Variants in EPHB6 observed in about 807,000 individuals in gnomAD.
EPHB6 encodes the protein ephrin type-B receptor 6.
EPHB6 carries 51 observed loss-of-function variants against 107.0 expected under a neutral mutation model. The ratio of observed to expected loss-of-function variants is 0.48; its 90% confidence interval spans 0.38 to 0.60. The LOEUF is 0.60. Ranked by LOEUF, EPHB6 falls within the 20% of genes least tolerant of loss-of-function variation. The probability of loss-of-function intolerance (pLI) is 0.00; values close to 1 mark genes in which losing one functional copy is unlikely to be tolerated. For synonymous variants in EPHB6, 553 were observed against 549.0 expected (o/e 1.01, Z -0.10); for missense variants, 1,141 against 1,355.5 (o/e 0.84, Z 2.48).
intron 1 of EPHB6, among the ~76,000 whole-genome samples, chr7:142,858,602 ATTTTTTTTTTT>A (rs58084930): frequency 1.5e-5 from 2 of 130,086 alleles, no homozygotes; most frequent in Non-Finnish European, 3.2e-5. Flanking sequence ...CGCCCAGCTA[ATTTTTTTTTTT>A]TTTTTTGTAT....
rs569990722 is a variant in EPHB6 at position 142,855,112 on chromosome 7, G to C, written c.-705G>C. Reference sequence around the variant, plus strand: ...GCTCCAGCCGCGGCTCTACAGCAGCGGGCGGCGGGACCCGGGACCCAGCTT... The same window carrying C: ...GCTCCAGCCGCGGCTCTACAGCAGCCGGCGGCGGGACCCGGGACCCAGCTT... On this transcript the variant is annotated 5_prime_UTR_variant, in exon 1 of 20. Transcript: ENST00000652003. The surrounding 1 kb of genome is among the most constrained non-coding windows in gnomAD (Gnocchi z 4.2). 1.4e-4 allele frequency: 21 copies of C among 152,244 alleles called. No homozygotes were observed. Among genetic ancestry groups the C allele is most frequent in the African/African-American group, 4.6e-4 (19 of 41,438 alleles). 9.4% of individuals were successfully genotyped at this position (152,244 alleles called of 1,614,324 possible).
Position 142,855,531 on chromosome 7 carries a change from C to T in EPHB6, c.-432+146C>T, listed in dbSNP as rs1275408263. 2 of 152,338 alleles carry T rather than the reference C, an allele frequency of 1.3e-5. No homozygotes were observed. The highest frequency in any genetic ancestry group is 2.9e-5 in the Non-Finnish European group (2 of 68,176). 9.4% of individuals were successfully genotyped at this position (152,338 alleles called of 1,614,324 possible). A position where few individuals can be genotyped will look rare whatever the true frequency, so the allele number is the denominator to read the frequency against. On this transcript the variant is annotated intron_variant, in intron 1 of 19. Transcript: ENST00000652003. This position sits in a 1 kb window ranked among gnomAD's most constrained non-coding sequence, Gnocchi z 4.2. The stretch of plus-strand genomic sequence containing the variant: ...AGTACTGAGGATCCTTCCTCAAGGC[C>T]AGAGTGGGGTTCATGAAGGGTGAGG...
rs1009922688 is a variant in EPHB6, at chr7:142,869,945, C to T, written c.2589C>T (p.Tyr863=). 6.2e-7 allele frequency: 1 copy of T among 1,614,162 alleles called. No homozygotes were observed. Among genetic ancestry groups the T allele is most frequent in the East Asian group, 2.2e-5 (1 of 44,880 alleles). Residue 863 remains tyrosine (Y), a synonymous_variant, in exon 17 of 20, where the codon TAC becomes TAT. Coordinates refer to ENST00000652003, the MANE Select transcript of EPHB6 (RefSeq NM_004445.6). The surrounding 1 kb of genome is among the most constrained non-coding windows in gnomAD (Gnocchi z 4.5). ...TGATGAGTTATGGAGAACGGCCTTA[C>T]TGGGACATGAGTGAGCAGGAGGTGA... ...WEVMSYGERP[Y]WDMSEQEVLN...
chr7:142,865,648 C>T lies in EPHB6; in HGVS notation c.1105+18C>T. On this transcript the variant is annotated intron_variant, in intron 8 of 19. Coordinates refer to ENST00000652003, the MANE Select transcript of EPHB6 (RefSeq NM_004445.6). The stretch of plus-strand genomic sequence containing the variant: ...CTGCACTGGTGAGTTCCTCACCCAG[C>T]CCTGCAATGGGAAAGAGACTTGGAG... The T allele has an allele frequency of 6.2e-7, 1 of 1,612,022 alleles. No homozygotes were observed.
At chr7:142,863,584 G>T in intron 5 of EPHB6, 47 bp from the exon 6 acceptor site, 1 of 1,600,834 alleles carries the variant, frequency 6.2e-7, no homozygotes, top group Non-Finnish European at 8.6e-7. Context: ...GGCTGGCAGT[G>T]CTGGCTGGAG....
chr7:142,865,451 C>A, intron 7 of EPHB6, 24 bp from the exon 8 acceptor site: 1 of 1,612,336 alleles, frequency 6.2e-7, no homozygotes, highest in Non-Finnish European at 8.5e-7. Flanking sequence ...AGTGTGACGC[C>A]CCCACTCTCC....
chr7:142,863,671 C>T lies in EPHB6; in HGVS notation c.141C>T (p.Gly47=). 2 of 1,613,940 alleles carry T rather than the reference C, an allele frequency of 1.2e-6. No individual in the cohort carries two copies. Among genetic ancestry groups the T allele is most frequent in the Non-Finnish European group, 1.7e-6 (2 of 1,180,000 alleles). ...LDTTGETSEI[G]WLTYPPGGWD... is the part of the protein sequence containing the mutation. ...CCACCGGAGAGACATCTGAGATTGG[C>T]TGGCTCACCTACCCACCAGGGGGGG... Residue 47 remains glycine, a synonymous_variant, in exon 6 of 20, where the codon GGC becomes GGT. Coordinates refer to ENST00000652003, the MANE Select transcript of EPHB6 (RefSeq NM_004445.6).
At position 142,867,299 on chromosome 7, in the gene EPHB6, G is replaced by A. The variant is rs1316298344; in HGVS notation, c.1750+231G>A. 5 of 598,298 alleles carry A rather than the reference G, an allele frequency of 8.4e-6. No homozygotes were observed. The highest frequency in any genetic ancestry group is 7.5e-5 in the African/African-American group (4 of 53,682). 37.1% of individuals were successfully genotyped at this position (598,298 alleles called of 1,614,324 possible). On this transcript the variant is annotated intron_variant, in intron 11 of 19. Coordinates refer to ENST00000652003, the MANE Select transcript of EPHB6 (RefSeq NM_004445.6). This position sits in a 1 kb window ranked among gnomAD's most constrained non-coding sequence, Gnocchi z 5.3. ...GTGGATATAGGAGGGCTGTGGGGAT[G>A]TGTGTGTGTGTTGTGTGTCCCTGGG...
rs549064463 is a variant in EPHB6, at chr7:142,868,887, C to G, written c.2287-87C>G. ...CATTTTCTGATTCGACACCCTCCCGCTCTCATGCTGTTGTCTGCTATGCAG... is the reference window on the plus strand; with the variant it reads ...CATTTTCTGATTCGACACCCTCCCGGTCTCATGCTGTTGTCTGCTATGCAG... On this transcript the variant is annotated intron_variant, in intron 15 of 19. Coordinates refer to ENST00000652003, the MANE Select transcript of EPHB6 (RefSeq NM_004445.6). The surrounding 1 kb of genome is among the most constrained non-coding windows in gnomAD (Gnocchi z 4.2). 17 of 1,585,304 alleles carry G rather than the reference C, an allele frequency of 1.1e-5. No individual in the cohort carries two copies. The highest frequency in any genetic ancestry group is 3.5e-5 in the Admixed American group (2 of 57,756).
chr7:142,857,743 G>T (rs1404107025), intron 1 of EPHB6, among the ~76,000 whole-genome samples: 1 of 152,228 alleles, frequency 6.6e-6, no homozygotes, highest in Non-Finnish European at 1.5e-5. Flanking sequence ...AGTCCCCTGG[G>T]TTCCCCTCTG....
In EPHB6 at chr7:142,868,938, G is replaced by T. The variant is rs375291077; in HGVS notation, c.2287-36G>T. On this transcript the variant is annotated intron_variant, in intron 15 of 19. Transcript: ENST00000652003. This position sits in a 1 kb window ranked among gnomAD's most constrained non-coding sequence, Gnocchi z 4.2. ...TATGTTGAGGTCTCCCCCTGTCTCC[G>T]ATCACTGACCTCTGCCCCCTGCCCC... 1 of 1,600,834 alleles carries T rather than the reference G, an allele frequency of 6.2e-7. No individual in the cohort carries two copies. Among genetic ancestry groups the T allele is most frequent in the Non-Finnish European group, 8.5e-7 (1 of 1,177,902 alleles).
In EPHB6 at chr7:142,869,781, T is replaced by C; in HGVS notation, c.2461-36T>C. The C allele has an allele frequency of 6.2e-7, 1 of 1,613,228 alleles. No homozygotes were observed. On this transcript the variant is annotated intron_variant, in intron 16 of 19. Coordinates refer to ENST00000652003, the MANE Select transcript of EPHB6 (RefSeq NM_004445.6). This position sits in a 1 kb window ranked among gnomAD's most constrained non-coding sequence, Gnocchi z 4.5. ...TGCTCAATAAACGTGACTATTACTA[T>C]GATTATTACTATTTGCTTTTGACTT... is the stretch of plus-strand genomic sequence containing the variant.
Position 142,868,828 on chromosome 7 carries a change from C to T in EPHB6, c.2286+89C>T, listed in dbSNP as rs935438700. 26 of 1,607,234 alleles carry T rather than the reference C, an allele frequency of 1.6e-5. No individual in the cohort carries two copies. The African/African-American group carries it at 2.8e-4, about 17-fold the overall frequency. On this transcript the variant is annotated intron_variant, in intron 15 of 19. Transcript: ENST00000652003. This position sits in a 1 kb window ranked among gnomAD's most constrained non-coding sequence, Gnocchi z 4.2. ...TCCTGTATCTTTGCTTCTTACCACC[C>T]CACCTTCCATGGTCTCCGTCCTTCC...
Position 142,867,791 on chromosome 7 carries a change from A to C in EPHB6, c.1865+69A>C. On this transcript the variant is annotated intron_variant, in intron 12 of 19. Transcript: ENST00000652003. This position sits in a 1 kb window ranked among gnomAD's most constrained non-coding sequence, Gnocchi z 5.3. ...CCACAGCCAAACCTCAAGTCCTGCC[A>C]AGTCTGGAGCCCCCTGCAGAAACCT... The C allele has an allele frequency of 1.3e-6, 2 of 1,492,996 alleles. No homozygotes were observed. Among genetic ancestry groups the C allele is most frequent in the Non-Finnish European group, 1.8e-6 (2 of 1,096,014 alleles). The allele number at this position is 1,492,996 out of a possible 1,614,324, so 92.5% of individuals were successfully genotyped here. A position where few individuals can be genotyped will look rare whatever the true frequency, so the allele number is the denominator to read the frequency against.
chr7:142,857,011 A>T (rs1802640970), intron 1 of EPHB6, among the ~76,000 whole-genome samples: 1 of 152,010 alleles, frequency 6.6e-6, no homozygotes, highest in Non-Finnish European at 1.5e-5. Context: ...CCACTTACTC[A>T]TCTCTCAGGC....
rs1026801881 is a variant in EPHB6 at position 142,855,173 on chromosome 7, C to T, written c.-644C>T. 2.0e-5 allele frequency: 3 copies of T among 151,900 alleles called. No homozygotes were observed. The highest frequency in any genetic ancestry group is 4.8e-5 in the African/African-American group (2 of 41,326). The allele number at this position is 151,900 out of a possible 1,614,324, so 9.4% of individuals were successfully genotyped here. On this transcript the variant is annotated 5_prime_UTR_variant, in exon 1 of 20. Transcript: ENST00000652003. The surrounding 1 kb of genome is among the most constrained non-coding windows in gnomAD (Gnocchi z 4.2). The stretch of plus-strand genomic sequence containing the variant: ...ATCTCGACGCGGGCCCCCAGGATCT[C>T]CCGGCGCCCCACCTCTGGAGCAGCC...
chr7:142,859,317 T>C (rs116199767), intron 1 of EPHB6, among the ~76,000 whole-genome samples: 342 of 152,344 alleles, frequency 2.2e-3, no homozygotes, highest in African/African-American at 7.6e-3. Context: ...CCCACAACCA[T>C]TGAAGACACC....
At chr7:142,861,882 A>G (rs1473819227) in intron 2 of EPHB6, 135 bp from the exon 3 acceptor site, 1 of 152,250 alleles carries the variant, frequency 6.6e-6, no homozygotes, top group Non-Finnish European at 1.5e-5. Context: ...GGATTCAAGC[A>G]GAGTATGTAC....
intron 2 of EPHB6, 40 bp downstream of exon 2, chr7:142,861,226 G>C (rs932216999): frequency 6.6e-6 from 1 of 152,170 alleles, no homozygotes; most frequent in Non-Finnish European, 1.5e-5. Context: ...GAGCTTAGTG[G>C]TGTACCTTCT....
Sources: gnomAD v4.1 joint callset for allele counts (sites outside exome capture counted in the v4.1 genomes callset) on GRCh38, gnomAD v4.1.1 for gene constraint, Gnocchi (gnomAD v3.1) non-coding constraint, MANE v1.5 for transcripts, NCBI Gene and HGNC (gene_info 2026-07-23, HGNC 2026-07-21) for gene names.